The following DNAJC1 variants were observed in gnomAD, a reference collection of about 807,000 sequenced individuals.
DNAJC1 encodes DnaJ heat shock protein family (Hsp40) member C1.
DNAJC1 carries 58 observed loss-of-function variants against 76.6 expected under a neutral mutation model. The observed-to-expected ratio is 0.76, with a 90% CI of 0.61 to 0.94. DNAJC1 has a LOEUF of 0.94. Ranked by LOEUF, DNAJC1 falls within the 40% of genes least tolerant of loss-of-function variation. The probability of loss-of-function intolerance (pLI) is 0.00; values close to 1 mark genes in which losing one functional copy is unlikely to be tolerated. For synonymous variants in DNAJC1, 258 were observed against 267.9 expected, an observed-to-expected ratio of 0.96 and a Z score of 0.36; for missense variants, 689 against 677.3, an observed-to-expected ratio of 1.02 and a Z score of -0.19.
At chr10:21,904,176 A>G (rs1655239350) in intron 7 of DNAJC1, among the ~76,000 whole-genome samples, 1 of 152,212 alleles carries the variant, frequency 6.6e-6, no homozygotes, top group African/African-American at 2.4e-5. Flanking sequence ...TGTTACACAG[A>G]AAGTTGGGTG....
chr10:21,848,455 T>C (rs769592449), intron 8 of DNAJC1, among the ~76,000 whole-genome samples: 6 of 152,210 alleles, frequency 3.9e-5, no homozygotes, highest in Non-Finnish European at 8.8e-5. Flanking sequence ...GCAATCCTTT[T>C]TGTCTATTTT....
chr10:22,003,492 G>A lies in DNAJC1; in HGVS notation c.-58C>T, dbSNP rs932762503. ...AGCTCCGTTGGCCGAGAGCTGGGAC[G>A]TGGCGGGCGGCGCTGGCTGTGGGGA... On this transcript the variant is annotated 5_prime_UTR_variant, in exon 1 of 12. The change creates a new upstream start codon in the 5' untranslated region. Coordinates refer to ENST00000376980, the MANE Select transcript of DNAJC1 (RefSeq NM_022365.4). 2 of 1,306,280 alleles carry A rather than the reference G, an allele frequency of 1.5e-6. No homozygotes were observed. Among genetic ancestry groups the A allele is most frequent in the Non-Finnish European group, 1.9e-6 (2 of 1,033,688 alleles). 80.9% of individuals were successfully genotyped at this position (1,306,280 alleles called of 1,614,324 possible).
intron 8 of DNAJC1, among the ~76,000 whole-genome samples, chr10:21,844,426 C>T (rs543868721): frequency 2.8e-4 from 43 of 152,144 alleles, no homozygotes; most frequent in Non-Finnish European, 8.8e-5. Flanking sequence ...TGTCATTGGA[C>T]AGTACTTCAT....
intron 8 of DNAJC1, among the ~76,000 whole-genome samples, chr10:21,858,223 G>C (rs942931332): frequency 2.0e-5 from 3 of 151,974 alleles, no homozygotes; most frequent in African/African-American, 7.2e-5. Flanking sequence ...AAAAGAAACA[G>C]AACAGGCATT....
At chr10:21,949,724 G>A (rs1030365339) in intron 1 of DNAJC1, among the ~76,000 whole-genome samples, 4 of 151,806 alleles carry the variant, frequency 2.6e-5, no homozygotes, top group Non-Finnish European at 5.9e-5. Flanking sequence ...GCCAATAAGC[G>A]ATTGCCCTCT....
chr10:21,988,409 C>T (rs1378233928), intron 1 of DNAJC1, among the ~76,000 whole-genome samples: 1 of 152,112 alleles, frequency 6.6e-6, no homozygotes, highest in African/African-American at 2.4e-5. Context: ...ATGTGCTCCT[C>T]AAATTATACA....
intron 1 of DNAJC1, among the ~76,000 whole-genome samples, chr10:21,996,122 A>G (rs543057190): frequency 6.6e-6 from 1 of 152,316 alleles, no homozygotes; most frequent in Non-Finnish European, 1.5e-5. Flanking sequence ...GCTTCATCCA[A>G]TCAGAAATCT....
In DNAJC1 at chr10:21,850,043, C is replaced by T. The variant is rs75625101; in HGVS notation, c.978+32239G>A. ...AATGGTAAAAGACTAAAAACTTTCC[C>T]GTTGAGATCAGGAACAAGATAAGGA... is the stretch of plus-strand genomic sequence containing the variant. On this transcript the variant is annotated intron_variant, in intron 8 of 11. Coordinates refer to ENST00000376980, the MANE Select transcript of DNAJC1 (RefSeq NM_022365.4). 3.7e-3 allele frequency among the ~76,000 whole-genome samples: 566 copies of T among 152,196 alleles called. 5 individuals carry two copies. Among genetic ancestry groups the T allele is most frequent in the African/African-American group, 0.013 (531 of 41,544 alleles).
At chr10:21,824,931 T>A (rs1414939864) in intron 8 of DNAJC1, among the ~76,000 whole-genome samples, 1 of 152,024 alleles carries the variant, frequency 6.6e-6, no homozygotes. Flanking sequence ...CCCACCACCA[T>A]GCCTGGCTAA....
intron 8 of DNAJC1, among the ~76,000 whole-genome samples, chr10:21,879,634 T>C (rs1935640705): frequency 6.6e-6 from 1 of 152,058 alleles, no homozygotes; most frequent in Admixed American, 6.6e-5. Flanking sequence ...AAAAAAATAA[T>C]AATAATTTAA....
chr10:21,789,652 C>T (rs939637119), intron 9 of DNAJC1, among the ~76,000 whole-genome samples: 4 of 151,964 alleles, frequency 2.6e-5, no homozygotes, highest in Admixed American at 6.6e-5. Context: ...AGAAATTCAA[C>T]GGAGATAAAT....
chr10:21,943,096 G>A (rs1238752516), intron 1 of DNAJC1, among the ~76,000 whole-genome samples: 1 of 151,258 alleles, frequency 6.6e-6, no homozygotes, highest in Non-Finnish European at 1.5e-5. Context: ...TAATGAAAGG[G>A]AAAATATTTT....
At chr10:21,978,258 G>A (rs1838096919) in intron 1 of DNAJC1, among the ~76,000 whole-genome samples, 1 of 152,148 alleles carries the variant, frequency 6.6e-6, no homozygotes, top group Admixed American at 6.5e-5. Context: ...AGGGAAATTT[G>A]AACAGAGGGA....
intron 8 of DNAJC1, among the ~76,000 whole-genome samples, chr10:21,879,558 A>C (rs930506276): frequency 6.6e-6 from 1 of 152,134 alleles, no homozygotes; most frequent in Non-Finnish European, 1.5e-5. Flanking sequence ...CAGAAGGCAG[A>C]GGTTGCAGTG....
chr10:21,959,564 T>C (rs1837751651), intron 1 of DNAJC1, among the ~76,000 whole-genome samples: 2 of 151,900 alleles, frequency 1.3e-5, no homozygotes, highest in African/African-American at 4.8e-5. Context: ...GCCATGCAGA[T>C]CACCTGAGGT....
chr10:21,891,258 A>G (rs921099823), intron 7 of DNAJC1, among the ~76,000 whole-genome samples: 12 of 152,154 alleles, frequency 7.9e-5, no homozygotes, highest in African/African-American at 2.9e-4. Context: ...TGATATGACA[A>G]GCAATAATGA....
chr10:21,766,155 T>C (rs1589971957), intron 10 of DNAJC1, 106 bp downstream of exon 10: 1 of 891,902 alleles, frequency 1.1e-6, no homozygotes, highest in Non-Finnish European at 1.8e-6. Flanking sequence ...TTAGAGTTCA[T>C]TAGGCAAAAC....
chr10:21,798,271 T>G (rs921542385), intron 9 of DNAJC1, among the ~76,000 whole-genome samples: 1 of 152,220 alleles, frequency 6.6e-6, no homozygotes, highest in Non-Finnish European at 1.5e-5. Context: ...TACCTGGCCT[T>G]CCTTCCTGCT....
intron 8 of DNAJC1, among the ~76,000 whole-genome samples, chr10:21,846,927 G>A (rs1835669467): frequency 6.6e-6 from 1 of 150,904 alleles, no homozygotes; most frequent in Admixed American, 6.6e-5. Context: ...GCTTAGATAG[G>A]AGAGGTGATA....
Sources: gnomAD v4.1 joint callset for allele counts (sites outside exome capture counted in the v4.1 genomes callset) on GRCh38, gnomAD v4.1.1 for gene constraint, MANE v1.5 for transcripts, NCBI Gene and HGNC (gene_info 2026-07-23, HGNC 2026-07-21) for gene names.